The following OSBPL5 variants were observed in gnomAD, a reference collection of about 807,000 sequenced individuals.
The protein encoded by OSBPL5 is oxysterol-binding protein-related protein 5.
In OSBPL5, 71 loss-of-function variants were observed where a neutral mutation model predicts 111.2. The ratio of observed to expected loss-of-function variants is 0.64; its 90% CI spans 0.53 to 0.78. The LOEUF is 0.78. Ranked by LOEUF, OSBPL5 falls within the 30% of genes least tolerant of loss-of-function variation. OSBPL5 has a pLI of 0.00. For synonymous variants in OSBPL5, 549 were observed against 513.9 expected (o/e 1.07, Z -0.93); for missense variants, 1,210 against 1,189.3 (o/e 1.02, Z -0.26).
intron 1 of OSBPL5, chr11:3,129,425 C>T (rs1488447911): frequency 3.6e-6 from 1 of 280,702 alleles, no homozygotes. Context: ...CAGAGAGGCT[C>T]ATCACCACCC....
In OSBPL5 at chr11:3,145,846, C is replaced by T. The variant is rs187077033; in HGVS notation, c.-21-16677G>A. On this transcript the variant is annotated intron_variant, in intron 1 of 21. Transcript: ENST00000263650. Reference sequence around the variant, plus strand: ...AATGGGCACCTGGTAGCCCAGCCTGCGTTCACTTAACTTTGTTACCTGGAG... The same window carrying T: ...AATGGGCACCTGGTAGCCCAGCCTGTGTTCACTTAACTTTGTTACCTGGAG... Among the ~76,000 whole-genome samples the T allele has an allele frequency of 6.9e-3, 1,054 of 152,292 alleles. 18 individuals are homozygous for T. The highest frequency in any genetic ancestry group is 0.023 in the African/African-American group (974 of 41,546).
chr11:3,141,207 C>G lies in OSBPL5; in HGVS notation c.-21-12038G>C, dbSNP rs538107222. On this transcript the variant is annotated intron_variant, in intron 1 of 21. Transcript: ENST00000263650. This position sits in a 1 kb window ranked among gnomAD's most constrained non-coding sequence, Gnocchi z 6.5. Reference sequence around the variant, plus strand: ...CCCGCCCAGCAGACAGTATCGTCATCATGTGTGATGCAGGGAGGGCACAGG... The same window carrying G: ...CCCGCCCAGCAGACAGTATCGTCATGATGTGTGATGCAGGGAGGGCACAGG... 1.7e-4 allele frequency among the ~76,000 whole-genome samples: 26 copies of G among 152,336 alleles called. No individual in the cohort carries two copies. The highest frequency in any genetic ancestry group is 1.5e-3 in the Admixed American group (23 of 15,308).
At position 3,165,221 on chromosome 11, in the gene OSBPL5, A is replaced by C. The variant is rs1365548580; in HGVS notation, c.-27T>G. 6 of 148,548 alleles carry C rather than the reference A, an allele frequency of 4.0e-5. No individual in the cohort carries two copies. The highest frequency in any genetic ancestry group is 2.0e-4 in the East Asian group (1 of 4,906). The allele number at this position is 148,548 out of a possible 1,614,324, so 9.2% of individuals were successfully genotyped here. On this transcript the variant is annotated 5_prime_UTR_variant, in exon 1 of 22. Coordinates refer to ENST00000263650, the MANE Select transcript of OSBPL5 (RefSeq NM_020896.4). This position sits in a 1 kb window ranked among gnomAD's most constrained non-coding sequence, Gnocchi z 7.4. ...CCGGGCCGCCGCGCTCCTACCTCCT[A>C]CCGTGCCGCGAGCTCGGTGCTCCGG...
intron 7 of OSBPL5, among the ~76,000 whole-genome samples, chr11:3,112,359 C>G (rs913702055): frequency 2.6e-5 from 4 of 152,126 alleles, no homozygotes; most frequent in Admixed American, 6.5e-5. Flanking sequence ...GTGCCAGACT[C>G]CCCTTGGGGG....
chr11:3,096,632 C>CAGAA (rs1280172341), intron 14 of OSBPL5, among the ~76,000 whole-genome samples: 79 of 138,148 alleles, frequency 5.7e-4, no homozygotes, highest in Middle Eastern at 3.8e-3. Flanking sequence ...AAAAAAAAGA[C>CAGAA]AGAAAGAAAG....
rs1202012637 is a variant in OSBPL5, at chr11:3,130,784, C to G, written c.-21-1615G>C. On this transcript the variant is annotated intron_variant, in intron 1 of 21. Coordinates refer to ENST00000263650, the MANE Select transcript of OSBPL5 (RefSeq NM_020896.4). The surrounding 1 kb of genome is among the most constrained non-coding windows in gnomAD (Gnocchi z 4.5). The stretch of plus-strand genomic sequence containing the variant: ...AGTGTCTCAGCTTGGCTCAGCCAAC[C>G]TGCCGCAGGGAAGCAGGCAGATGGG... Among the ~76,000 whole-genome samples, 1 of 152,250 alleles carries G rather than the reference C, an allele frequency of 6.6e-6. No homozygotes were observed. The highest frequency in any genetic ancestry group is 1.5e-5 in the Non-Finnish European group (1 of 68,038).
chr11:3,156,204 G>A (rs776717101), intron 1 of OSBPL5, among the ~76,000 whole-genome samples: 5 of 152,158 alleles, frequency 3.3e-5, no homozygotes, highest in African/African-American at 7.2e-5. Context: ...GAGTGCCCTC[G>A]GCCGTGCCCA....
chr11:3,104,053 C>T lies in OSBPL5; in HGVS notation c.1244+140G>A. On this transcript the variant is annotated intron_variant, in intron 10 of 21. Transcript: ENST00000263650. This position sits in a 1 kb window ranked among gnomAD's most constrained non-coding sequence, Gnocchi z 5.0. Reference sequence around the variant, plus strand: ...GGAGACAGGGCCCCCTGGGAGGCTACAGCTGCAGAAACAGTGGGCTGAGAT... The same window carrying T: ...GGAGACAGGGCCCCCTGGGAGGCTATAGCTGCAGAAACAGTGGGCTGAGAT... 9.2e-7 allele frequency: 1 copy of T among 1,092,448 alleles called. No homozygotes were observed. 67.7% of individuals were successfully genotyped at this position (1,092,448 alleles called of 1,614,324 possible). A position where few individuals can be genotyped will look rare whatever the true frequency, so the allele number is the denominator to read the frequency against.
rs781210067 is a variant in OSBPL5, at chr11:3,100,257, C to T, written c.1523-1G>A. ...TCCAGCAGCGCCGACAGCGAGTTCC[C>T]TGCAGAGACAAGAGACAGCAGGACC... On this transcript the variant is annotated splice_acceptor_variant, in intron 13 of 21. Coordinates refer to ENST00000263650, the MANE Select transcript of OSBPL5 (RefSeq NM_020896.4). LOFTEE classifies it high-confidence loss of function. The T allele has an allele frequency of 6.2e-7, 1 of 1,613,826 alleles. No individual in the cohort carries two copies. Among genetic ancestry groups the T allele is most frequent in the Non-Finnish European group, 8.5e-7 (1 of 1,179,914 alleles).
intron 1 of OSBPL5, among the ~76,000 whole-genome samples, chr11:3,134,045 G>A (rs1845885798): frequency 6.6e-6 from 1 of 152,148 alleles, no homozygotes; most frequent in South Asian, 2.1e-4. Context: ...CCTCGGAGGA[G>A]GGAAGGGTGC....
intron 21 of OSBPL5, among the ~76,000 whole-genome samples, chr11:3,089,358 C>T (rs1046566655): frequency 3.9e-5 from 6 of 152,212 alleles, no homozygotes; most frequent in African/African-American, 1.4e-4. Context: ...TGCTCTGCTC[C>T]TCATTGGTGG....
rs1279481479 is a variant in OSBPL5 at position 3,105,247 on chromosome 11, G to T, written c.1060-870C>A. On this transcript the variant is annotated intron_variant, in intron 9 of 21. Coordinates refer to ENST00000263650, the MANE Select transcript of OSBPL5 (RefSeq NM_020896.4). The surrounding 1 kb of genome is among the most constrained non-coding windows in gnomAD (Gnocchi z 5.2). ...TTTTAGCCCAACGGCAGCTGCCCCA[G>T]GGAGCGGGCAAGATGGAGTGTGGCC... 6.6e-6 allele frequency among the ~76,000 whole-genome samples: 1 copy of T among 152,230 alleles called. No homozygotes were observed.
At chr11:3,148,038 A>C (rs1478068306) in intron 1 of OSBPL5, among the ~76,000 whole-genome samples, 2 of 152,152 alleles carry the variant, frequency 1.3e-5, no homozygotes, top group Admixed American at 6.5e-5. Flanking sequence ...GACTTGGCAC[A>C]CTGGCTGCAG....
At position 3,100,118 on chromosome 11, in the gene OSBPL5, G is replaced by A. The variant is rs762674530; in HGVS notation, c.1621+40C>T. ...TTTAGCATCTAGCTGCTCTCACAGAGCCTGGCTCTGCCCTCGGAGTGTGTG... is the reference window on the plus strand; with the variant it reads ...TTTAGCATCTAGCTGCTCTCACAGAACCTGGCTCTGCCCTCGGAGTGTGTG... On this transcript the variant is annotated intron_variant, in intron 14 of 21. Coordinates refer to ENST00000263650, the MANE Select transcript of OSBPL5 (RefSeq NM_020896.4). 1.9e-6 allele frequency: 3 copies of A among 1,588,924 alleles called. No homozygotes were observed. The South Asian group carries it at 3.3e-5, about 18-fold the overall frequency.
intron 1 of OSBPL5, chr11:3,160,984 T>C (rs971570461): frequency 6.6e-6 from 1 of 152,192 alleles, no homozygotes; most frequent in African/African-American, 2.4e-5. Flanking sequence ...GCTTCTGCTC[T>C]GCCAGGTACG....
intron 7 of OSBPL5, among the ~76,000 whole-genome samples, chr11:3,114,919 T>G (rs1355935974): frequency 6.6e-6 from 1 of 151,974 alleles, no homozygotes; most frequent in Non-Finnish European, 1.5e-5. Flanking sequence ...TCTTAAGAGG[T>G]TGATTTACTC....
chr11:3,095,494 A>G (rs79975596), intron 14 of OSBPL5, among the ~76,000 whole-genome samples: 3,563 of 152,178 alleles, frequency 0.023, 128 homozygotes, highest in African/African-American at 0.08. Flanking sequence ...AAGGAAGAAT[A>G]CCAGCAGAGG....
At chr11:3,090,287 G>C (rs1857011284) in intron 20 of OSBPL5, among the ~76,000 whole-genome samples, 1 of 152,176 alleles carries the variant, frequency 6.6e-6, no homozygotes, top group African/African-American at 2.4e-5. Flanking sequence ...GATGCCACTG[G>C]ACCTGCCCCT....
intron 17 of OSBPL5, 179 bp downstream of exon 17, chr11:3,093,348 C>A: frequency 9.6e-7 from 1 of 1,040,392 alleles, no homozygotes; most frequent in Non-Finnish European, 1.4e-6. Flanking sequence ...CAGGCCACAC[C>A]CCTTCCCTCC....
Sources: gnomAD v4.1 joint callset for allele counts (sites outside exome capture counted in the v4.1 genomes callset) on GRCh38, gnomAD v4.1.1 for gene constraint, Gnocchi (gnomAD v3.1) non-coding constraint, MANE v1.5 for transcripts, NCBI Gene and HGNC (gene_info 2026-07-23, HGNC 2026-07-21) for gene names.